The following DACH1 variants were observed in gnomAD, a reference collection of about 807,000 sequenced individuals.
The protein encoded by DACH1 is dachshund family transcription factor 1.
A neutral mutation model predicts 54.2 loss-of-function variants in DACH1; 12 were observed. The ratio of observed to expected loss-of-function variants is 0.22; its 90% CI spans 0.14 to 0.36. The LOEUF is 0.36. Among genes scored for constraint, DACH1 ranks in the 10% least tolerant of loss-of-function variants. The pLI, the probability that DACH1 is intolerant of heterozygous loss-of-function variation, is 1.00. For synonymous variants in DACH1, 386 were observed against 366.2 expected (o/e 1.05, Z -0.62); for missense variants, 805 against 929.8 (o/e 0.87, Z 1.75).
At chr13:71,687,806 A>G (rs917065341) in intron 1 of DACH1, among the ~76,000 whole-genome samples, 14 of 152,002 alleles carry the variant, frequency 9.2e-5, no homozygotes, top group Non-Finnish European at 1.6e-4. Flanking sequence ...AGCGAGTTTC[A>G]CCATATTGCC....
chr13:71,562,914 G>A (rs531705822), intron 4 of DACH1, among the ~76,000 whole-genome samples: 12 of 152,086 alleles, frequency 7.9e-5, no homozygotes, highest in Admixed American at 3.3e-4. Context: ...GAGTATTTGC[G>A]CACTTATCAT....
At chr13:71,458,956 TG>T (rs1875829979) in intron 10 of DACH1, among the ~76,000 whole-genome samples, 1 of 151,886 alleles carries the variant, frequency 6.6e-6, no homozygotes, top group Non-Finnish European at 1.5e-5. Flanking sequence ...TTTTTGTTTT[TG>T]TTTTTTTTGG....
At chr13:71,650,115 T>G (rs1430810233) in intron 2 of DACH1, among the ~76,000 whole-genome samples, 1 of 152,200 alleles carries the variant, frequency 6.6e-6, no homozygotes, top group Non-Finnish European at 1.5e-5. Context: ...TACTGTTTGT[T>G]CACATTGAAA....
intron 3 of DACH1, among the ~76,000 whole-genome samples, chr13:71,591,155 A>G (rs1360881956): frequency 6.6e-6 from 1 of 152,086 alleles, no homozygotes; most frequent in Non-Finnish European, 1.5e-5. Flanking sequence ...CTAGGATTAC[A>G]GGCATGAGCT....
At chr13:71,593,437 A>G (rs1008941708) in intron 3 of DACH1, among the ~76,000 whole-genome samples, 1 of 152,104 alleles carries the variant, frequency 6.6e-6, no homozygotes, top group Non-Finnish European at 1.5e-5. Flanking sequence ...CCATTTCCAG[A>G]TGACTTAGCT....
rs192928098 is a variant in DACH1, at chr13:71,706,176, T to C, written c.849-24266A>G. On this transcript the variant is annotated intron_variant, in intron 1 of 10. Transcript: ENST00000613252. ...CCTATATCATCTTAGAGTTTTTAAG[T>C]GGCATTTTATTATGTACAACTTCCT... Among the ~76,000 whole-genome samples, 158 of 152,058 alleles carry C rather than the reference T, an allele frequency of 1.0e-3. No individual in the cohort carries two copies. The South Asian group carries it at 0.011, about 11-fold the overall frequency.
chr13:71,726,517 G>A (rs1366190815), intron 1 of DACH1, among the ~76,000 whole-genome samples: 1 of 151,888 alleles, frequency 6.6e-6, no homozygotes, highest in African/African-American at 2.4e-5. Context: ...GAAAAATAAA[G>A]TGATTTTTTT....
At chr13:71,677,829 C>T (rs947682307) in intron 2 of DACH1, among the ~76,000 whole-genome samples, 1 of 152,054 alleles carries the variant, frequency 6.6e-6, no homozygotes, top group Non-Finnish European at 1.5e-5. Context: ...AAGCGATTCT[C>T]CTGCCTCAGC....
Position 71,757,125 on chromosome 13 carries a change from A to C in DACH1, c.849-75215T>G, listed in dbSNP as rs529435157. 2.6e-5 allele frequency among the ~76,000 whole-genome samples: 4 copies of C among 152,356 alleles called. No individual in the cohort carries two copies. In the South Asian group the frequency reaches 6.2e-4, roughly 24 times the overall value. On this transcript the variant is annotated intron_variant, in intron 1 of 10. Transcript: ENST00000613252. ...CTTATTATTGACATAAAGCAAAAAT[A>C]GTTTATTTAGCTTGAATAATTAATA...
intron 2 of DACH1, among the ~76,000 whole-genome samples, chr13:71,649,867 G>A (rs565859993): frequency 1.3e-5 from 2 of 152,240 alleles, no homozygotes; most frequent in Admixed American, 6.5e-5. Context: ...TTTAGACTTT[G>A]AATATATAGT....
In DACH1 at chr13:71,557,045, T is replaced by C. The variant is rs772419384; in HGVS notation, c.1549A>G (p.Lys517Glu). The C allele has an allele frequency of 6.2e-7, 1 of 1,605,016 alleles. No homozygotes were observed. Among genetic ancestry groups the C allele is most frequent in the Non-Finnish European group, 8.5e-7 (1 of 1,176,568 alleles). ...TTACCTTTTTCAATATGCATCCTTT[T>C]TGACTCATGTCCCATGTCATGACCG... ...LAGHDMGHES[K>E]RMHIEKDETP... The change falls in exon 6 of 11, where the codon AAA becomes GAA. Residue 517 changes from lysine to glutamate, a missense_variant. Coordinates refer to ENST00000613252, the MANE Select transcript of DACH1 (RefSeq NM_080759.6).
At chr13:71,750,126 G>A (rs1234361305) in intron 1 of DACH1, among the ~76,000 whole-genome samples, 3 of 152,046 alleles carry the variant, frequency 2.0e-5, no homozygotes, top group African/African-American at 7.2e-5. Flanking sequence ...TTCTCCGCCT[G>A]GAACATCCTC....
chr13:71,446,556 A>G (rs534548521), intron 10 of DACH1, among the ~76,000 whole-genome samples: 3 of 152,364 alleles, frequency 2.0e-5, no homozygotes, highest in South Asian at 4.1e-4. Flanking sequence ...ACATTTTCAC[A>G]GAGCTAGCAA....
At chr13:71,691,034 T>A (rs1881452111) in intron 1 of DACH1, among the ~76,000 whole-genome samples, 1 of 152,246 alleles carries the variant, frequency 6.6e-6, no homozygotes, top group Non-Finnish European at 1.5e-5. Context: ...GACAAGATAT[T>A]CACAGCAATT....
chr13:71,777,248 G>C (rs542491324), intron 1 of DACH1, among the ~76,000 whole-genome samples: 16 of 149,146 alleles, frequency 1.1e-4, no homozygotes, highest in Non-Finnish European at 2.1e-4. Flanking sequence ...CTTCTTGTCC[G>C]TACGGTATAG....
chr13:71,502,856 T>C (rs1429103426), intron 6 of DACH1, among the ~76,000 whole-genome samples: 2 of 152,222 alleles, frequency 1.3e-5, no homozygotes, highest in Non-Finnish European at 2.9e-5. Context: ...GCACTGGGAC[T>C]TCCCATTGCA....
chr13:71,777,603 C>T (rs114953786), intron 1 of DACH1, among the ~76,000 whole-genome samples: 3,673 of 151,990 alleles, frequency 0.024, 144 homozygotes, highest in African/African-American at 0.082. Flanking sequence ...ATATTATGTC[C>T]ATCATTTTAA....
At chr13:71,574,099 A>T (rs1012525565) in intron 3 of DACH1, among the ~76,000 whole-genome samples, 1 of 152,076 alleles carries the variant, frequency 6.6e-6, no homozygotes, top group African/African-American at 2.4e-5. Flanking sequence ...ATATGCATGC[A>T]TGTGTGTGTG....
chr13:71,861,641 A>G (rs562671294), intron 1 of DACH1, among the ~76,000 whole-genome samples: 2 of 152,126 alleles, frequency 1.3e-5, no homozygotes, highest in African/African-American at 4.8e-5. Flanking sequence ...TCTTTTTGAA[A>G]TGATATAAAA....
Sources: allele counts gnomAD v4.1 joint callset (sites outside exome capture counted in the v4.1 genomes callset), GRCh38; gene constraint gnomAD v4.1.1; transcripts MANE v1.5; gene names NCBI Gene and HGNC (gene_info 2026-07-23, HGNC 2026-07-21).